SLC45A4: variants seen among roughly 807,000 people sequenced by gnomAD.
SLC45A4 encodes solute carrier family 45 member 4, also known as polyamine-transporter SLC45A4.
A neutral mutation model predicts 63.7 loss-of-function variants in SLC45A4; 32 were observed. The observed-to-expected ratio is 0.50, with a 90% CI of 0.38 to 0.67. The LOEUF (loss-of-function observed/expected upper bound fraction) is 0.67. Among genes scored for constraint, SLC45A4 ranks in the 30% least tolerant of loss-of-function variants. The pLI is 0.00. For missense variants in SLC45A4, 1,027 were observed against 1,157.7 expected, an observed-to-expected ratio of 0.89 and a Z score of 1.64; for synonymous variants, 535 against 510.0, an observed-to-expected ratio of 1.05 and a Z score of -0.66.
intron 1 of SLC45A4, among the ~76,000 whole-genome samples, chr8:141,297,355 G>A (rs1589864767): frequency 6.6e-6 from 1 of 152,176 alleles, no homozygotes. Context: ...CCTAAGGCCC[G>A]CTAAGCCGAA....
chr8:141,286,899 G>A (rs1293387917), intron 1 of SLC45A4, among the ~76,000 whole-genome samples: 1 of 152,112 alleles, frequency 6.6e-6, no homozygotes, highest in Non-Finnish European at 1.5e-5. Context: ...ATAGTTCAAT[G>A]TCAGCTGCAG....
chr8:141,277,218 T>G (rs1829763347), intron 1 of SLC45A4, among the ~76,000 whole-genome samples: 1 of 152,220 alleles, frequency 6.6e-6, no homozygotes, highest in Non-Finnish European at 1.5e-5. Context: ...ACTGGTGAAC[T>G]TCATCAGAAT....
At chr8:141,228,692 T>G in intron 2 of SLC45A4, 1 of 909,138 alleles carries the variant, frequency 1.1e-6, no homozygotes, top group Non-Finnish European at 1.3e-6. Context: ...TGGCCTGAGA[T>G]TCCGGAAGCT....
rs1170468120 is a variant in SLC45A4, at chr8:141,215,667, C to T, written c.1941+92G>A. On this transcript the variant is annotated intron_variant, in intron 7 of 8. Transcript: ENST00000517878. This position sits in a 1 kb window ranked among gnomAD's most constrained non-coding sequence, Gnocchi z 4.3. ...GAAGGAGGGCCATCTGTGTCGTGAA[C>T]GTCCCCCCGGGGAAGCACAGGGCTC... 6.7e-6 allele frequency: 9 copies of T among 1,341,184 alleles called. No individual in the cohort carries two copies. Among genetic ancestry groups the T allele is most frequent in the African/African-American group, 2.9e-5 (2 of 69,276 alleles). 83.1% of individuals were successfully genotyped at this position (1,341,184 alleles called of 1,614,324 possible).
intron 2 of SLC45A4, among the ~76,000 whole-genome samples, chr8:141,238,201 G>C (rs553057340): frequency 1.3e-5 from 2 of 152,208 alleles, no homozygotes; most frequent in East Asian, 3.9e-4. Context: ...GTGGGCAGTC[G>C]CAGCTCCAAG....
At chr8:141,267,735 G>A (rs760523615) in intron 1 of SLC45A4, among the ~76,000 whole-genome samples, 10 of 148,916 alleles carry the variant, frequency 6.7e-5, no homozygotes, top group Non-Finnish European at 1.0e-4. Flanking sequence ...CTCCACACTC[G>A]AGGTCCTCAA....
At chr8:141,231,570 C>T (rs1827358586) in intron 2 of SLC45A4, among the ~76,000 whole-genome samples, 1 of 152,196 alleles carries the variant, frequency 6.6e-6, no homozygotes, top group Non-Finnish European at 1.5e-5. Flanking sequence ...GGTGGGCGGA[C>T]GGCTGGCACT....
chr8:141,239,085 C>T (rs574176516), intron 2 of SLC45A4, among the ~76,000 whole-genome samples: 146 of 152,296 alleles, frequency 9.6e-4, no homozygotes, highest in African/African-American at 3.3e-3. Flanking sequence ...CTGGGCCACG[C>T]GGTGAATTTC....
At chr8:141,234,679 G>GC (rs1827531695) in intron 2 of SLC45A4, among the ~76,000 whole-genome samples, 2 of 152,188 alleles carry the variant, frequency 1.3e-5, no homozygotes, top group South Asian at 4.1e-4. Context: ...CCAGGAGAGG[G>GC]CCCTTAGACC....
At chr8:141,220,013 C>T (rs562800750) in intron 3 of SLC45A4, among the ~76,000 whole-genome samples, 184 bp from the exon 4 acceptor site, 7 of 152,244 alleles carry the variant, frequency 4.6e-5, no homozygotes, top group African/African-American at 1.4e-4. Context: ...CTTTGTTCCA[C>T]GCACTTCTGA....
Position 141,256,433 on chromosome 8 carries a change from C to T in SLC45A4, c.-400-1804G>A, listed in dbSNP as rs963245485. The T allele has an allele frequency of 2.6e-6, 1 of 383,050 alleles. No homozygotes were observed. Among genetic ancestry groups the T allele is most frequent in the African/African-American group, 2.1e-5 (1 of 47,188 alleles). The allele number at this position is 383,050 out of a possible 1,614,324, so 23.7% of individuals were successfully genotyped here. A position where few individuals can be genotyped will look rare whatever the true frequency, so the allele number is the denominator to read the frequency against. On this transcript the variant is annotated intron_variant, in intron 1 of 8. Transcript: ENST00000517878. This position sits in a 1 kb window ranked among gnomAD's most constrained non-coding sequence, Gnocchi z 4.3. ...GTCTTAATTAGCTCCTCCTCTCTTT[C>T]TCCCCAGAGGAGACCAGAAACCTCG...
Position 141,218,422 on chromosome 8 carries a change from C to A in SLC45A4, c.1218G>T (p.Ser406=). The A allele has an allele frequency of 9.3e-6, 15 of 1,611,422 alleles. No individual in the cohort carries two copies. The highest frequency in any genetic ancestry group is 1.3e-5 in the Non-Finnish European group (15 of 1,179,912). Residue 406 remains serine (S), a synonymous_variant, in exon 5 of 9, where the codon TCG becomes TCT. Transcript: ENST00000517878. The part of the protein sequence containing the change: ...GGYTRVDTKP[S]ATSSSMRRRR... ...GCCGCCGCATGGAGCTCGACGTGGC[C>A]GAGGGCTTCGTGTCCACCCTGGTGT...
chr8:141,243,599 C>T (rs1297325227), intron 2 of SLC45A4, among the ~76,000 whole-genome samples: 4 of 152,100 alleles, frequency 2.6e-5, no homozygotes, highest in Admixed American at 6.5e-5. Flanking sequence ...GAGCCGTAAT[C>T]GCACCACTGT....
intron 2 of SLC45A4, among the ~76,000 whole-genome samples, chr8:141,234,703 G>A (rs1473949045): frequency 2.0e-5 from 3 of 151,844 alleles, no homozygotes; most frequent in East Asian, 1.9e-4. Flanking sequence ...TCAGGGCTGT[G>A]GCGGTGGCCT....
chr8:141,283,581 C>T (rs1830038369), intron 1 of SLC45A4, among the ~76,000 whole-genome samples: 1 of 152,206 alleles, frequency 6.6e-6, no homozygotes, highest in East Asian at 1.9e-4. Context: ...TCCCAGGGGG[C>T]AGCAAGGGAC....
intron 2 of SLC45A4, among the ~76,000 whole-genome samples, chr8:141,246,272 G>GT (rs926766442): frequency 3.2e-4 from 48 of 152,286 alleles, no homozygotes; most frequent in African/African-American, 1.1e-3. Context: ...CTGCTGCTGC[G>GT]TAACAAACTG....
chr8:141,279,146 C>A (rs1829844002), intron 1 of SLC45A4, among the ~76,000 whole-genome samples: 1 of 152,268 alleles, frequency 6.6e-6, no homozygotes, highest in African/African-American at 2.4e-5. Context: ...CTCCTTCCCC[C>A]ACGCAGCCTG....
chr8:141,292,634 C>T (rs900387017), intron 1 of SLC45A4: 1 of 152,512 alleles, frequency 6.6e-6, no homozygotes, highest in African/African-American at 2.4e-5. Flanking sequence ...TGGTGTCCCT[C>T]AGCCCTGCCC....
rs1258394588 is a variant in SLC45A4, at chr8:141,308,229, G to C, written c.-534C>G. 2 of 147,298 alleles carry C rather than the reference G, an allele frequency of 1.4e-5. No homozygotes were observed. The highest frequency in any genetic ancestry group is 3.0e-5 in the Non-Finnish European group (2 of 65,964). 9.1% of individuals were successfully genotyped at this position (147,298 alleles called of 1,614,324 possible). ...GGGTCCGGGCGGGGGCTGCTCCCTC[G>C]GCCGGCCGGCCGGGCGGTCAGTCAG... On this transcript the variant is annotated 5_prime_UTR_variant, in exon 1 of 9. Coordinates refer to ENST00000517878, the MANE Select transcript of SLC45A4 (RefSeq NM_001286646.2).
Sources: allele counts gnomAD v4.1 joint callset (sites outside exome capture counted in the v4.1 genomes callset), GRCh38; gene constraint gnomAD v4.1.1; non-coding constraint Gnocchi (gnomAD v3.1); transcripts MANE v1.5; gene names NCBI Gene and HGNC (gene_info 2026-07-23, HGNC 2026-07-21).